CFAP57: variants seen among roughly 807,000 people sequenced by gnomAD.
The protein encoded by CFAP57 is cilia- and flagella-associated protein 57.
Under a neutral mutation model 146.8 loss-of-function variants are expected in CFAP57, and 116 were observed. That is an observed-to-expected ratio of 0.79 (90% CI 0.68 to 0.92). CFAP57 has a LOEUF of 0.92. Among genes scored for constraint, CFAP57 ranks in the 40% least tolerant of loss-of-function variants. CFAP57 has a pLI of 0.00. For synonymous variants in CFAP57, 518 were observed against 552.8 expected, an observed-to-expected ratio of 0.94 and a Z score of 0.88; for missense variants, 1,377 against 1,527.2, an observed-to-expected ratio of 0.90 and a Z score of 1.64.
rs1238276557 is a variant in CFAP57 at position 43,234,197 on chromosome 1, G to T, written c.3127-82G>T. On this transcript the variant is annotated intron_variant, in intron 19 of 22. Transcript: ENST00000372492. Reference sequence around the variant, plus strand: ...GATGAGGCATCTCTTTTCCCTTTCTGTGCCATTAACCTCTGCCTGCAGCCC... The same window carrying T: ...GATGAGGCATCTCTTTTCCCTTTCTTTGCCATTAACCTCTGCCTGCAGCCC... The T allele has an allele frequency of 2.9e-6, 4 of 1,387,668 alleles. No homozygotes were observed. In the African/African-American group the frequency reaches 5.9e-5, roughly 20 times the overall value. 86.0% of individuals were successfully genotyped at this position (1,387,668 alleles called of 1,614,324 possible).
At chr1:43,232,327 G>A (rs1170964983) in intron 18 of CFAP57, among the ~76,000 whole-genome samples, 181 bp from the exon 19 acceptor site, 1 of 152,190 alleles carries the variant, frequency 6.6e-6, no homozygotes, top group African/African-American at 2.4e-5. Flanking sequence ...CAGTCTAGGG[G>A]TGGGGAGCTG....
In CFAP57 at chr1:43,201,922, A is replaced by C. The variant is rs1345677468; in HGVS notation, c.1542+2419A>C. On this transcript the variant is annotated intron_variant, in intron 9 of 22. Transcript: ENST00000372492. The surrounding 1 kb of genome is among the most constrained non-coding windows in gnomAD (Gnocchi z 4.4). ...GAGCCACCGCGCCTGGCCCACGGACATTATTAATGAGAGCTGCTGAGCCTC... is the reference window on the plus strand; with the variant it reads ...GAGCCACCGCGCCTGGCCCACGGACCTTATTAATGAGAGCTGCTGAGCCTC... Among the ~76,000 whole-genome samples, 1 of 152,218 alleles carries C rather than the reference A, an allele frequency of 6.6e-6. No individual in the cohort carries two copies. Among genetic ancestry groups the C allele is most frequent in the East Asian group, 1.9e-4 (1 of 5,202 alleles).
At chr1:43,249,206 C>A (rs1004136830) in intron 22 of CFAP57, among the ~76,000 whole-genome samples, 1 of 151,726 alleles carries the variant, frequency 6.6e-6, no homozygotes, top group African/African-American at 2.4e-5. Flanking sequence ...AGCCCATAAC[C>A]CTTTCTTAAT....
chr1:43,237,083 C>T (rs1363351495), intron 21 of CFAP57, among the ~76,000 whole-genome samples: 1 of 152,060 alleles, frequency 6.6e-6, no homozygotes, highest in Non-Finnish European at 1.5e-5. Flanking sequence ...ACAACTGATT[C>T]CAGACCCTCA....
rs925721750 is a variant in CFAP57 at position 43,227,025 on chromosome 1, G to C, written c.2908G>C (p.Gly970Arg). Residue 970 changes from glycine (G) to arginine (R), a missense_variant, in exon 18 of 23, where the codon GGG (glycine) becomes CGG (arginine). Gly to Arg is a moderately radical substitution (Grantham distance 125). Coordinates refer to ENST00000372492, the MANE Select transcript of CFAP57 (RefSeq NM_001378189.1). ...YDLKKKNQEL[G>R]KFKFVLDYKI... ...TCTGAAAAAGAAAAATCAAGAACTA[G>C]GGAAATTCAAGTTTGTGCTTGACTA... The C allele has an allele frequency of 2.6e-6, 4 of 1,532,140 alleles. No individual in the cohort carries two copies. The African/African-American group carries it at 5.6e-5, about 21-fold the overall frequency. The allele number at this position is 1,532,140 out of a possible 1,614,324, so 94.9% of individuals were successfully genotyped here.
chr1:43,199,901 C>T (rs1373398342), intron 9 of CFAP57, among the ~76,000 whole-genome samples: 1 of 152,106 alleles, frequency 6.6e-6, no homozygotes, highest in East Asian at 1.9e-4. Flanking sequence ...GAATGTGGTG[C>T]CAGGATAAAC....
chr1:43,222,268 G>A lies in CFAP57; in HGVS notation c.2505G>A (p.Leu835=). 1 of 1,464,676 alleles carries A rather than the reference G, an allele frequency of 6.8e-7. No individual in the cohort carries two copies. Among genetic ancestry groups the A allele is most frequent in the Non-Finnish European group, 9.1e-7 (1 of 1,104,070 alleles). 90.7% of individuals were successfully genotyped at this position (1,464,676 alleles called of 1,614,324 possible). ...EELTEFYEAK[L]QEKTTLLEEA... ...TGACTGAGTTTTACGAGGCAAAACT[G>A]CAGGAGAAAACCACCCTTCTGGAAG... Residue 835 remains leucine, a synonymous_variant, in exon 15 of 23, where the codon CTG becomes CTA. Coordinates refer to ENST00000372492, the MANE Select transcript of CFAP57 (RefSeq NM_001378189.1).
chr1:43,208,525 TCAGCAAA>T (rs1247993247), intron 10 of CFAP57, among the ~76,000 whole-genome samples: 3 of 152,164 alleles, frequency 2.0e-5, no homozygotes, highest in Non-Finnish European at 4.4e-5. Flanking sequence ...ACCATCATTC[TCAGCAAA>T]CTATCGCAAG....
chr1:43,172,597 A>AGGGGG (rs1645013797), intron 1 of CFAP57, 138 bp from the exon 2 acceptor site: 1 of 566,354 alleles, frequency 1.8e-6, no homozygotes, highest in Admixed American at 2.6e-5. Flanking sequence ...AGGGGAGGGG[A>AGGGGG]AAGGGGAGGG....
Position 43,227,100 on chromosome 1 carries a change from A to G in CFAP57, c.2983A>G (p.Arg995Gly), listed in dbSNP as rs763480759. The G allele has an allele frequency of 1.3e-6, 2 of 1,541,520 alleles. No individual in the cohort carries two copies. Among genetic ancestry groups the G allele is most frequent in the Admixed American group, 2.0e-5 (1 of 49,618 alleles). Reference protein sequence around the residue: ...KQIEPRENEIRVMKEQIQEME... With the variant: ...KQIEPRENEIGVMKEQIQEME... ...AATAGAACCTCGAGAGAATGAGATC[A>G]GGGTGATGAAGGAACAGATTCAGGA... is the stretch of plus-strand genomic sequence containing the variant. Residue 995 changes from arginine (R) to glycine (G), a missense_variant, in exon 18 of 23, where the codon AGG (arginine) becomes GGG (glycine). Physicochemically the swap from Arg to Gly is moderately radical, Grantham distance 125 (BLOSUM62 -2). Coordinates refer to ENST00000372492, the MANE Select transcript of CFAP57 (RefSeq NM_001378189.1).
rs568409095 is a variant in CFAP57 at position 43,175,460 on chromosome 1, A to G, written c.157+2550A>G. 2.0e-5 allele frequency among the ~76,000 whole-genome samples: 3 copies of G among 151,618 alleles called. No homozygotes were observed. In the East Asian group the frequency reaches 5.8e-4, roughly 29 times the overall value. On this transcript the variant is annotated intron_variant, in intron 2 of 22. Coordinates refer to ENST00000372492, the MANE Select transcript of CFAP57 (RefSeq NM_001378189.1). Reference sequence around the variant, plus strand: ...TTTTGTTCTGTTATCTCCTTCTGGAACTCCAAACCATCTCAACTCCATCCT... The same window carrying G: ...TTTTGTTCTGTTATCTCCTTCTGGAGCTCCAAACCATCTCAACTCCATCCT...
intron 22 of CFAP57, among the ~76,000 whole-genome samples, chr1:43,252,172 CAAAG>C (rs1646340665): frequency 6.6e-6 from 1 of 151,628 alleles, no homozygotes; most frequent in Non-Finnish European, 1.5e-5. Flanking sequence ...GTTTTAAAAA[CAAAG>C]AAAAGAAAAG....
In CFAP57 at chr1:43,222,950, G is replaced by C. The variant is rs1037629476; in HGVS notation, c.2659G>C (p.Glu887Gln). The change falls in exon 16 of 23, where the codon GAA becomes CAA. Residue 887 changes from glutamate (E) to glutamine (Q), a missense_variant. By Grantham distance (29) the Glu-to-Gln change is conservative. Transcript: ENST00000372492. ...KYEKKLRDEKESNLRLKGETG... is the reference protein window; with the variant it reads ...KYEKKLRDEKQSNLRLKGETG... ...TGAGAAAAAGCTTCGGGATGAAAAG[G>C]AATCAAACCTGCGGCTCAAGGGAGA... 5 of 1,550,344 alleles carry C rather than the reference G, an allele frequency of 3.2e-6. No individual in the cohort carries two copies. The African/African-American group carries it at 6.8e-5, about 21-fold the overall frequency.
rs1277848603 is a variant in CFAP57 at position 43,200,526 on chromosome 1, G to T, written c.1542+1023G>T. Among the ~76,000 whole-genome samples the T allele has an allele frequency of 2.0e-5, 3 of 151,196 alleles. No individual in the cohort carries two copies. The East Asian group carries it at 5.8e-4, about 29-fold the overall frequency. On this transcript the variant is annotated intron_variant, in intron 9 of 22. Transcript: ENST00000372492. ...AAGAAAGAAAGAAAGAAAAGCAAAA[G>T]AAAAAAAGAAAGTAAAATCACTAGG...
chr1:43,174,117 C>A (rs1285295677), intron 2 of CFAP57, among the ~76,000 whole-genome samples: 4 of 152,028 alleles, frequency 2.6e-5, no homozygotes, highest in African/African-American at 9.7e-5. Context: ...TATTTTTGGG[C>A]AATTTTATTG....
At chr1:43,186,985 G>A (rs2124334006) in intron 6 of CFAP57, 126 bp downstream of exon 6, 3 of 1,124,504 alleles carry the variant, frequency 2.7e-6, no homozygotes, top group African/African-American at 1.5e-5. Context: ...TTAATACAGA[G>A]CAAAACAAAA....
At chr1:43,202,104 A>G (rs1644150726) in intron 9 of CFAP57, among the ~76,000 whole-genome samples, 1 of 152,196 alleles carries the variant, frequency 6.6e-6, no homozygotes, top group Non-Finnish European at 1.5e-5. Flanking sequence ...AATTAGGGAT[A>G]TATGTTAGAA....
intron 2 of CFAP57, among the ~76,000 whole-genome samples, chr1:43,179,369 A>T (rs1470075700): frequency 1.1e-4 from 16 of 152,200 alleles, no homozygotes; most frequent in African/African-American, 3.9e-4. Flanking sequence ...AACAATGCAA[A>T]AGCATTTTAC....
intron 1 of CFAP57, 82 bp from the exon 2 acceptor site, chr1:43,172,653 G>A: frequency 1.4e-6 from 2 of 1,384,126 alleles, no homozygotes. Context: ...AGCAAAGGGC[G>A]GGGAGGGCGA....
Sources: gnomAD v4.1 joint callset for allele counts (sites outside exome capture counted in the v4.1 genomes callset) on GRCh38, gnomAD v4.1.1 for gene constraint, Gnocchi (gnomAD v3.1) non-coding constraint, MANE v1.5 for transcripts, NCBI Gene and HGNC (gene_info 2026-07-23, HGNC 2026-07-21) for gene names.